The following CA10 variants were observed in gnomAD, a reference collection of about 807,000 sequenced individuals.
CA10 encodes carbonic anhydrase-related protein 10.
Under a neutral mutation model 44.2 loss-of-function variants are expected in CA10, and 14 were observed. The observed-to-expected ratio is 0.32, with a 90% confidence interval of 0.21 to 0.50. The LOEUF (loss-of-function observed/expected upper bound fraction) is 0.50, where lower values mean the gene tolerates loss of function less well. Among genes scored for constraint, CA10 ranks in the 20% least tolerant of loss-of-function variants. The pLI, the probability that CA10 is intolerant of heterozygous loss-of-function variation, is 0.99. For missense variants in CA10, 350 were observed against 409.7 expected, an observed-to-expected ratio of 0.85 and a Z score of 1.26; for synonymous variants, 159 against 141.6, an observed-to-expected ratio of 1.12 and a Z score of -0.87.
chr17:51,767,270 A>C (rs2693522), intron 3 of CA10, among the ~76,000 whole-genome samples: 152,338 of 152,338 alleles, frequency 1, 76,169 homozygotes, highest in Non-Finnish European at 1. Flanking sequence ...TTCATTCATC[A>C]TTAGGTGGAT....
rs147620951 is a variant in CA10 at position 51,660,814 on chromosome 17, C to T, written c.466-7078G>A. Among the ~76,000 whole-genome samples the T allele has an allele frequency of 1.9e-3, 293 of 152,284 alleles. 1 individual carries two copies. Among genetic ancestry groups the T allele is most frequent in the Middle Eastern group, 0.01 (3 of 294 alleles). Reference sequence around the variant, plus strand: ...CATCTGGGGCCCCTGGCTTTTCTAACCATGTGTCCTTGTTTTCTGTGCTCT... The same window carrying T: ...CATCTGGGGCCCCTGGCTTTTCTAATCATGTGTCCTTGTTTTCTGTGCTCT... On this transcript the variant is annotated intron_variant, in intron 4 of 8. Coordinates refer to ENST00000451037, the MANE Select transcript of CA10 (RefSeq NM_020178.5).
intron 2 of CA10, among the ~76,000 whole-genome samples, chr17:52,052,230 T>A (rs536828524): frequency 1.3e-5 from 2 of 150,220 alleles, no homozygotes; most frequent in South Asian, 4.2e-4. Context: ...CAACCCCCCA[T>A]GACATAAGTT....
At chr17:51,689,508 C>T (rs1347255321) in intron 4 of CA10, among the ~76,000 whole-genome samples, 1 of 152,174 alleles carries the variant, frequency 6.6e-6, no homozygotes, top group Admixed American at 6.5e-5. Flanking sequence ...TCCGTGTGTA[C>T]TTATTTCTAC....
At chr17:51,668,985 G>A (rs369164469) in intron 4 of CA10, among the ~76,000 whole-genome samples, 4 of 152,208 alleles carry the variant, frequency 2.6e-5, no homozygotes, top group East Asian at 3.9e-4. Flanking sequence ...TCGAATTCTC[G>A]CTGGGCCTCA....
Position 51,871,394 on chromosome 17 carries a change from ATTTTTTTT to A in CA10, c.279+59588_279+59595del, listed in dbSNP as rs11438821. On this transcript the variant is annotated intron_variant, in intron 3 of 8. Coordinates refer to ENST00000451037, the MANE Select transcript of CA10 (RefSeq NM_020178.5). The stretch of plus-strand genomic sequence containing the variant: ...TTACAGGTGCCCACCACCAGGCCTA[ATTTTTTTT>A]TTTTTTTTTTTTTTTTTAGTAGAGA... Among the ~76,000 whole-genome samples the A allele has an allele frequency of 3.7e-5, 3 of 81,294 alleles. No homozygotes were observed. The Admixed American group carries it at 5.2e-4, about 14-fold the overall frequency. The allele number at this position is 81,294 out of a possible 152,430, so 53.3% of individuals were successfully genotyped here.
chr17:51,712,369 A>G (rs1915967187), intron 4 of CA10, among the ~76,000 whole-genome samples: 1 of 152,324 alleles, frequency 6.6e-6, no homozygotes, highest in South Asian at 2.1e-4. Context: ...ATAGGGAAAA[A>G]TCACAACATG....
At chr17:51,744,122 C>T (rs2143595774) in intron 4 of CA10, among the ~76,000 whole-genome samples, 1 of 152,118 alleles carries the variant, frequency 6.6e-6, no homozygotes, top group East Asian at 1.9e-4. Context: ...GAATTCAAGA[C>T]CAGCCTGGCC....
At chr17:52,150,980 G>C (rs1989691253) in intron 1 of CA10, among the ~76,000 whole-genome samples, 1 of 152,026 alleles carries the variant, frequency 6.6e-6, no homozygotes, top group Non-Finnish European at 1.5e-5. Context: ...TGGGCAAATT[G>C]ATCTATTAGG....
At chr17:52,030,048 C>T (rs1986418381) in intron 2 of CA10, among the ~76,000 whole-genome samples, 1 of 152,192 alleles carries the variant, frequency 6.6e-6, no homozygotes, top group African/African-American at 2.4e-5. Context: ...TGACTTTGCT[C>T]TTCATACCCT....
chr17:51,712,433 T>C (rs1183771791), intron 4 of CA10, among the ~76,000 whole-genome samples: 1 of 152,256 alleles, frequency 6.6e-6, no homozygotes, highest in Non-Finnish European at 1.5e-5. Flanking sequence ...CTTAGTAATT[T>C]AGCTTTTTCT....
At chr17:51,849,225 ATGTG>A (rs201096877) in intron 3 of CA10, among the ~76,000 whole-genome samples, 6 of 29,842 alleles carry the variant, frequency 2.0e-4, no homozygotes, top group African/African-American at 3.3e-4. Flanking sequence ...ATATACATAT[ATGTG>A]TGTGTATATA....
intron 2 of CA10, among the ~76,000 whole-genome samples, chr17:52,060,402 TA>T (rs773859456): frequency 5.3e-5 from 8 of 151,634 alleles, no homozygotes; most frequent in African/African-American, 9.7e-5. Context: ...ACTCGGATAT[TA>T]AAAAAAAATC....
intron 3 of CA10, among the ~76,000 whole-genome samples, chr17:51,822,568 G>A (rs1336498944): frequency 6.6e-6 from 1 of 152,134 alleles, no homozygotes; most frequent in African/African-American, 2.4e-5. Context: ...AATTGTTTAG[G>A]TGTTTACTGT....
Position 52,089,911 on chromosome 17 carries a change from T to C in CA10, c.62-17518A>G, listed in dbSNP as rs189834499. ...AAGGATACACAGATTACTAAAATTTTATTTATTTGAAAATATCAGAAACAA... is the reference window on the plus strand; with the variant it reads ...AAGGATACACAGATTACTAAAATTTCATTTATTTGAAAATATCAGAAACAA... On this transcript the variant is annotated intron_variant, in intron 1 of 8. Transcript: ENST00000451037. 1.2e-4 allele frequency among the ~76,000 whole-genome samples: 19 copies of C among 152,280 alleles called. No homozygotes were observed. The East Asian group carries it at 3.5e-3, about 28-fold the overall frequency.
At chr17:51,684,816 A>G (rs1431659342) in intron 4 of CA10, among the ~76,000 whole-genome samples, 1 of 152,228 alleles carries the variant, frequency 6.6e-6, no homozygotes, top group African/African-American at 2.4e-5. Context: ...ACTCCTCCAA[A>G]GAGAATTTAT....
At chr17:51,910,054 T>C (rs1893844368) in intron 3 of CA10, among the ~76,000 whole-genome samples, 1 of 152,116 alleles carries the variant, frequency 6.6e-6, no homozygotes, top group Non-Finnish European at 1.5e-5. Context: ...CACATCCTGG[T>C]GACTGAAGCT....
intron 2 of CA10, among the ~76,000 whole-genome samples, chr17:52,053,831 A>C (rs1208948909): frequency 6.6e-6 from 1 of 152,104 alleles, no homozygotes; most frequent in Non-Finnish European, 1.5e-5. Flanking sequence ...TCTTTACTGC[A>C]ATCTCTGAAC....
chr17:51,747,965 C>T lies in CA10; in HGVS notation c.280-147G>A, dbSNP rs1199659498. On this transcript the variant is annotated intron_variant, in intron 3 of 8. Transcript: ENST00000451037. The stretch of plus-strand genomic sequence containing the variant: ...CATGTGGAGTAGGGCGTGGCAGCTG[C>T]CCCAGAGGGTATATGTGGGATCTAT... 26 of 600,320 alleles carry T rather than the reference C, an allele frequency of 4.3e-5. No individual in the cohort carries two copies. In the East Asian group the frequency reaches 6.2e-4, roughly 14 times the overall value. The allele number at this position is 600,320 out of a possible 1,614,324, so 37.2% of individuals were successfully genotyped here.
intron 4 of CA10, among the ~76,000 whole-genome samples, chr17:51,678,293 G>T (rs1350649721): frequency 6.6e-6 from 1 of 151,962 alleles, no homozygotes; most frequent in Non-Finnish European, 1.5e-5. Context: ...AGATAAATGT[G>T]GTTGCATAAC....
Sources: gnomAD v4.1 joint callset for allele counts (sites outside exome capture counted in the v4.1 genomes callset) on GRCh38, gnomAD v4.1.1 for gene constraint, MANE v1.5 for transcripts, NCBI Gene and HGNC (gene_info 2026-07-23, HGNC 2026-07-21) for gene names.